CTNNA2: variants seen among roughly 807,000 people sequenced by gnomAD.
CTNNA2 encodes the protein catenin alpha-2.
In CTNNA2, 42 loss-of-function variants were observed where a neutral mutation model predicts 101.0. The observed-to-expected ratio is 0.42, with a 90% CI of 0.32 to 0.54. The LOEUF is 0.54. Ranked by LOEUF, CTNNA2 falls within the 20% of genes least tolerant of loss-of-function variation. CTNNA2 has a pLI of 0.14. For missense variants in CTNNA2, 871 were observed against 1,223.1 expected, an observed-to-expected ratio of 0.71 and a Z score of 4.29; for synonymous variants, 450 against 456.4, an observed-to-expected ratio of 0.99 and a Z score of 0.18.
intron 7 of CTNNA2, among the ~76,000 whole-genome samples, chr2:80,211,815 G>A (rs1707911679): frequency 6.6e-6 from 1 of 152,098 alleles, no homozygotes; most frequent in Admixed American, 6.6e-5. Context: ...GAGAAGTATG[G>A]CCATTTTCAC....
intron 2 of CTNNA2, among the ~76,000 whole-genome samples, chr2:79,232,185 C>T (rs1200054762): frequency 3.3e-5 from 5 of 152,104 alleles, no homozygotes; most frequent in African/African-American, 1.2e-4. Flanking sequence ...GTGATGCTGG[C>T]TGTGCGCTTG....
At chr2:79,259,679 C>T (rs549041341) in intron 2 of CTNNA2, among the ~76,000 whole-genome samples, 3 of 152,298 alleles carry the variant, frequency 2.0e-5, no homozygotes, top group East Asian at 1.9e-4. Flanking sequence ...TGTGAGAAGG[C>T]TGTGCAGGCT....
chr2:80,280,550 A>G (rs1267962218), intron 7 of CTNNA2, among the ~76,000 whole-genome samples: 3 of 151,856 alleles, frequency 2.0e-5, no homozygotes, highest in Non-Finnish European at 2.9e-5. Flanking sequence ...CTGATCTTAC[A>G]CACCTTTTAT....
intron 2 of CTNNA2, among the ~76,000 whole-genome samples, chr2:79,296,635 C>T (rs1675986220): frequency 6.6e-6 from 1 of 152,112 alleles, no homozygotes; most frequent in Non-Finnish European, 1.5e-5. Flanking sequence ...ATGGAGTTTA[C>T]TGCACCTGAA....
intron 15 of CTNNA2, among the ~76,000 whole-genome samples, chr2:80,596,296 T>TTG (rs1227052731): frequency 1.0e-4 from 5 of 49,216 alleles, no homozygotes; most frequent in Non-Finnish European, 7.7e-5. Flanking sequence ...TTTTTTTTTT[T>TTG]TTTTTTTTTT....
At chr2:80,234,781 A>G (rs767653136) in intron 7 of CTNNA2, among the ~76,000 whole-genome samples, 47 of 151,902 alleles carry the variant, frequency 3.1e-4, no homozygotes, top group Non-Finnish European at 5.1e-4. Flanking sequence ...AATGGTTAAT[A>G]TAATATTTCT....
chr2:80,434,964 A>T (rs1293213386), intron 9 of CTNNA2, among the ~76,000 whole-genome samples: 10 of 152,078 alleles, frequency 6.6e-5, no homozygotes, highest in African/African-American at 2.4e-4. Context: ...TTAAGGAGTA[A>T]AATAAGATTA....
intron 2 of CTNNA2, among the ~76,000 whole-genome samples, chr2:79,304,847 C>G (rs751206988): frequency 9.9e-5 from 15 of 152,120 alleles, no homozygotes; most frequent in Non-Finnish European, 1.8e-4. Flanking sequence ...AAGATCTGGA[C>G]AGTGAGGCAT....
rs139387206 is a variant in CTNNA2 at position 79,507,531 on chromosome 2, G to T, written c.-6+2349G>T. Among the ~76,000 whole-genome samples the T allele has an allele frequency of 2.6e-5, 4 of 152,020 alleles. No homozygotes were observed. The South Asian group carries it at 8.3e-4, about 32-fold the overall frequency. On this transcript the variant is annotated intron_variant, in intron 5 of 21. Transcript: ENST00000466387. ...ACGCTCTCACCATCTGTGACCCTTC[G>T]ATCTTGGACTTCCCATCTTACAGAA...
intron 4 of CTNNA2, among the ~76,000 whole-genome samples, chr2:79,464,510 G>T (rs1028356008): frequency 3.3e-5 from 5 of 152,098 alleles, no homozygotes; most frequent in Non-Finnish European, 5.9e-5. Context: ...GTAATGGGAT[G>T]GCTGGGTCAA....
intron 7 of CTNNA2, among the ~76,000 whole-genome samples, chr2:80,257,358 G>C (rs1254250032): frequency 6.6e-6 from 1 of 152,092 alleles, no homozygotes; most frequent in Non-Finnish European, 1.5e-5. Flanking sequence ...AAATCATTTT[G>C]CTGGTTTTTA....
At chr2:80,281,943 G>GT (rs200248652) in intron 7 of CTNNA2, among the ~76,000 whole-genome samples, 13,868 of 146,288 alleles carry the variant, frequency 0.095, 1,386 homozygotes, top group African/African-American at 0.26. Context: ...TTTTTGGAAA[G>GT]TTTTTTTTTT....
intron 7 of CTNNA2, among the ~76,000 whole-genome samples, chr2:79,920,894 G>A (rs527535907): frequency 2.6e-5 from 4 of 152,220 alleles, no homozygotes; most frequent in South Asian, 2.1e-4. Context: ...TATTTCTGTC[G>A]CTACAGAGTG....
At chr2:79,193,108 A>C (rs988222011) in intron 1 of CTNNA2, among the ~76,000 whole-genome samples, 1 of 152,182 alleles carries the variant, frequency 6.6e-6, no homozygotes, top group Admixed American at 6.5e-5. Flanking sequence ...TAAATATTAT[A>C]TATTCTTCTG....
intron 7 of CTNNA2, among the ~76,000 whole-genome samples, chr2:80,198,564 AAC>A (rs143942479): frequency 0.015 from 2,327 of 152,274 alleles, 67 homozygotes; most frequent in African/African-American, 0.052. Flanking sequence ...CTGATTTTTT[AAC>A]AGTGTGCTTT....
intron 9 of CTNNA2, among the ~76,000 whole-genome samples, chr2:80,536,685 T>C (rs1305508660): frequency 6.6e-6 from 1 of 152,248 alleles, no homozygotes; most frequent in Non-Finnish European, 1.5e-5. Context: ...CTAAATACTT[T>C]ATTAGCAGAG....
rs760966329 is a variant in CTNNA2 at position 80,647,792 on chromosome 2, C to G, written c.2782C>G (p.Arg928Gly). 1 of 1,613,584 alleles carries G rather than the reference C, an allele frequency of 6.2e-7. No individual in the cohort carries two copies. The highest frequency in any genetic ancestry group is 2.2e-5 in the East Asian group (1 of 44,882). The change falls in exon 19 of 19, where the codon CGA becomes GGA. Residue 928 changes from arginine (R) to glycine (G), a missense_variant. Coordinates refer to ENST00000402739, the MANE Select transcript of CTNNA2 (RefSeq NM_001282597.3). The stretch of plus-strand genomic sequence containing the variant: ...AGAAAAGCCTGAAGAATTCCAGACA[C>G]GAGTTCGACGAGGTTCTCAGAAGAA... ...KREKPEEFQTRVRRGSQKKHI... is the reference protein window; with the variant it reads ...KREKPEEFQTGVRRGSQKKHI...
intron 9 of CTNNA2, among the ~76,000 whole-genome samples, chr2:80,541,532 A>G (rs1240036540): frequency 6.6e-6 from 1 of 152,166 alleles, no homozygotes; most frequent in Non-Finnish European, 1.5e-5. Context: ...AGTTCAAAAG[A>G]TACACAAAGA....
chr2:80,403,885 A>T (rs937440624), intron 8 of CTNNA2, among the ~76,000 whole-genome samples: 3 of 152,128 alleles, frequency 2.0e-5, no homozygotes, highest in Non-Finnish European at 2.9e-5. Context: ...GTTTGTCTTT[A>T]GTTCTGTTTA....
Sources: allele counts gnomAD v4.1 joint callset (sites outside exome capture counted in the v4.1 genomes callset), GRCh38; gene constraint gnomAD v4.1.1; transcripts MANE v1.5; gene names NCBI Gene and HGNC (gene_info 2026-07-23, HGNC 2026-07-21).